STAC3: variants seen among roughly 807,000 people sequenced by gnomAD.
STAC3 encodes SH3 and cysteine rich domain 3.
In STAC3, 30 loss-of-function variants were observed where a neutral mutation model predicts 48.5. The observed-to-expected ratio is 0.62, with a 90% CI of 0.46 to 0.84. The LOEUF is 0.84. Ranked by LOEUF, STAC3 falls within the 40% of genes least tolerant of loss-of-function variation. STAC3 has a pLI of 0.00. For synonymous variants in STAC3, 144 were observed against 158.6 expected, an observed-to-expected ratio of 0.91 and a Z score of 0.69; for missense variants, 419 against 462.6, an observed-to-expected ratio of 0.91 and a Z score of 0.86.
chr12:57,248,054 C>T, intron 5 of STAC3, 72 bp downstream of exon 5: 2 of 1,397,496 alleles, frequency 1.4e-6, no homozygotes, highest in Non-Finnish European at 1.0e-6. Flanking sequence ...GAATTTGGCT[C>T]CCAAAGCTAG....
At chr12:57,249,762 G>T in intron 1 of STAC3, 125 bp from the exon 2 acceptor site, 1 of 1,000,966 alleles carries the variant, frequency 1.0e-6, no homozygotes, top group Non-Finnish European at 1.5e-6. Flanking sequence ...AGATTTTGCT[G>T]TTGTTACTGT....
At chr12:57,249,746 G>A (rs970688721) in intron 1 of STAC3, 109 bp from the exon 2 acceptor site, 3 of 1,200,258 alleles carry the variant, frequency 2.5e-6, no homozygotes, top group African/African-American at 1.5e-5. Context: ...GGAGAAATGT[G>A]ATGAGAGATT....
At chr12:57,245,935 TCTC>T (rs1300438687) in intron 6 of STAC3, among the ~76,000 whole-genome samples, 4 of 151,278 alleles carry the variant, frequency 2.6e-5, no homozygotes, top group African/African-American at 7.3e-5. Context: ...CATGGAGAAA[TCTC>T]CTCTCTACTA....
intron 3 of STAC3, 102 bp downstream of exon 3, chr12:57,248,939 C>T (rs1354721254): frequency 3.0e-5 from 46 of 1,551,070 alleles, no homozygotes; most frequent in Non-Finnish European, 4.0e-5. Flanking sequence ...CTTACACCAA[C>T]TCTAGCCACA....
intron 4 of STAC3, chr12:57,248,465 G>A (rs893550292): frequency 8.7e-5 from 48 of 553,184 alleles, no homozygotes; most frequent in African/African-American, 7.5e-4. Flanking sequence ...TGCAAGCTCC[G>A]CCTCCCGAGT....
At chr12:57,247,224 CCTT>C (rs2037762180) in intron 5 of STAC3, among the ~76,000 whole-genome samples, 1 of 152,050 alleles carries the variant, frequency 6.6e-6, no homozygotes, top group African/African-American at 2.4e-5. Flanking sequence ...TCACTATTCT[CCTT>C]CTAAGGAGAA....
At position 57,248,113 on chromosome 12, in the gene STAC3, A is replaced by G. The variant is rs1160461726; in HGVS notation, c.505+13T>C. 2 of 1,610,002 alleles carry G rather than the reference A, an allele frequency of 1.2e-6. No individual in the cohort carries two copies. The highest frequency in any genetic ancestry group is 3.3e-5 in the Admixed American group (2 of 60,000). On this transcript the variant is annotated intron_variant, in intron 5 of 11. Transcript: ENST00000332782. Reference sequence around the variant, plus strand: ...GCTTGCCCATTCCCTCATGTTCCATAAAGGGCACTTACAGAGATCTTTGAC... The same window carrying G: ...GCTTGCCCATTCCCTCATGTTCCATGAAGGGCACTTACAGAGATCTTTGAC...
chr12:57,249,155 C>G lies in STAC3; in HGVS notation c.220G>C (p.Glu74Gln). The part of the protein sequence containing the change: ...YEEEEEEEEE[E>Q]EEPPPEPPKL... ...GGAGGTTCTGGGGGTGGCTCCTCCT[C>G]CTCCTCTTCTTCCTCTTCCTCTTCC... The change falls in exon 3 of 12, where the codon GAG (glutamate) becomes CAG (glutamine). Residue 74 changes from glutamate (E) to glutamine (Q), a missense_variant. Glu to Gln is a conservative substitution (Grantham distance 29). Transcript: ENST00000332782. The G allele has an allele frequency of 6.2e-7, 1 of 1,614,026 alleles. No homozygotes were observed. The highest frequency in any genetic ancestry group is 1.3e-5 in the African/African-American group (1 of 75,018).
chr12:57,248,261 C>A, intron 4 of STAC3, 63 bp from the exon 5 acceptor site: 1 of 1,283,406 alleles, frequency 7.8e-7, no homozygotes, highest in South Asian at 1.2e-5. Context: ...GCCTATCTCT[C>A]CCAGGAGTGC....
chr12:57,248,527 T>C (rs1305148903), intron 4 of STAC3, among the ~76,000 whole-genome samples, 179 bp downstream of exon 4: 2 of 152,106 alleles, frequency 1.3e-5, no homozygotes, highest in Admixed American at 6.5e-5. Context: ...TACAGGCACC[T>C]GTCACCACGC....
intron 3 of STAC3, 71 bp from the exon 4 acceptor site, chr12:57,248,874 C>G (rs984220883): frequency 2.0e-5 from 31 of 1,527,116 alleles, no homozygotes; most frequent in Non-Finnish European, 2.7e-5. Context: ...TGCTGCTACT[C>G]TTAGGTTTCC....
Position 57,249,056 on chromosome 12 carries a change from C to T in STAC3, c.319G>A (p.Ala107Thr). The T allele has an allele frequency of 1.3e-6, 2 of 1,596,412 alleles. No individual in the cohort carries two copies. The highest frequency in any genetic ancestry group is 1.7e-6 in the Non-Finnish European group (2 of 1,170,654). ...FKKPKFCDVC[A>T]RMIVLNNKFG... ...CATGACTCACGAACAATCATCCGGG[C>T]ACAGACATCACAGAACTTTGGCTTC... Residue 107 changes from alanine (A) to threonine (T), a missense_variant, in exon 3 of 12, where the codon GCC (alanine) becomes ACC (threonine). Ala to Thr is a moderately conservative substitution (Grantham distance 58). Transcript: ENST00000332782.
Position 57,243,775 on chromosome 12 carries a change from G to C in STAC3, c.*37C>G, listed in dbSNP as rs1161794688. The C allele has an allele frequency of 6.3e-7, 1 of 1,586,072 alleles. No individual in the cohort carries two copies. The highest frequency in any genetic ancestry group is 2.2e-5 in the East Asian group (1 of 44,544). On this transcript the variant is annotated 3_prime_UTR_variant, in exon 12 of 12. Coordinates refer to ENST00000332782, the MANE Select transcript of STAC3 (RefSeq NM_145064.3). The stretch of plus-strand genomic sequence containing the variant: ...AACTCCACTGGGCCCGCCCAGAATG[G>C]GGTGTGGGTGTCTCCCGCTTGCAGG...
At chr12:57,245,047 C>T (rs762504883) in intron 7 of STAC3, 82 bp from the exon 8 acceptor site, 11 of 1,602,014 alleles carry the variant, frequency 6.9e-6, no homozygotes, top group African/African-American at 2.7e-5. Flanking sequence ...AGGGCCTCGT[C>T]TATCCAAAGC....
intron 8 of STAC3, 66 bp downstream of exon 8, chr12:57,244,850 G>T: frequency 6.4e-7 from 1 of 1,568,060 alleles, no homozygotes; most frequent in Non-Finnish European, 8.8e-7. Context: ...CCAGGGCCAT[G>T]AGTAGTGGTG....
chr12:57,250,685 CCTA>C lies in STAC3; in HGVS notation c.-2+305_-2+307del, dbSNP rs1189882957. On this transcript the variant is annotated intron_variant, in intron 1 of 11. Transcript: ENST00000332782. ...GATGGACTGGAGACATTTGTCCTCCCCTACTTTTTTCTTGAGCCCTGGGGGCCC... is the reference window on the plus strand; with the variant it reads ...GATGGACTGGAGACATTTGTCCTCCCCTTTTTTCTTGAGCCCTGGGGGCCC... Among the ~76,000 whole-genome samples the C allele has an allele frequency of 2.0e-5, 3 of 152,078 alleles. No homozygotes were observed. The East Asian group carries it at 5.8e-4, about 29-fold the overall frequency.
chr12:57,250,987 A>G lies in STAC3; in HGVS notation c.-2+6T>C, dbSNP rs1020051892. The G allele has an allele frequency of 9.3e-6, 3 of 322,512 alleles. No homozygotes were observed. In the Admixed American group the frequency reaches 1.1e-4, roughly 12 times the overall value. The allele number at this position is 322,512 out of a possible 1,614,324, so 20.0% of individuals were successfully genotyped here. ...TGGAAATCAAGAGGATGAAGAGGTA[A>G]CTTACGTTCGGGATTCCCTAAGTCA... is the stretch of plus-strand genomic sequence containing the variant. On this transcript the variant is annotated splice_donor_region_variant and intron_variant, in intron 1 of 11. Coordinates refer to ENST00000332782, the MANE Select transcript of STAC3 (RefSeq NM_145064.3).
At chr12:57,245,281 C>T in intron 6 of STAC3, 70 bp from the exon 7 acceptor site, 1 of 1,383,778 alleles carries the variant, frequency 7.2e-7, no homozygotes, top group Non-Finnish European at 1.0e-6. Flanking sequence ...ATAATCAGGT[C>T]AGAGAACTAT....
Position 57,245,103 on chromosome 12 carries a change from C to T in STAC3, c.670+42G>A, listed in dbSNP as rs780582911. 1.9e-6 allele frequency: 3 copies of T among 1,612,082 alleles called. No individual in the cohort carries two copies. In the Admixed American group the frequency reaches 5.0e-5, roughly 27 times the overall value. ...CACCCTCTGTTCCACAGCTGAGCCT[C>T]TGATCCTACTCCATCTCTGGATGGA... On this transcript the variant is annotated intron_variant, in intron 7 of 11. Coordinates refer to ENST00000332782, the MANE Select transcript of STAC3 (RefSeq NM_145064.3).
Sources: allele counts gnomAD v4.1 joint callset (sites outside exome capture counted in the v4.1 genomes callset), GRCh38; gene constraint gnomAD v4.1.1; transcripts MANE v1.5; gene names NCBI Gene and HGNC (gene_info 2026-07-23, HGNC 2026-07-21).